The following WDR27 variants were observed in gnomAD, a reference collection of about 807,000 sequenced individuals.
The protein encoded by WDR27 is WD repeat-containing protein 27.
A neutral mutation model predicts 114.4 loss-of-function variants in WDR27; 100 were observed. That is an observed-to-expected ratio of 0.87 (90% CI 0.74 to 1.03). The LOEUF is 1.03. WDR27 is among the 50% of genes least tolerant of loss of function. WDR27 has a pLI of 0.00. For missense variants in WDR27, 1,129 were observed against 1,092.9 expected, an observed-to-expected ratio of 1.03 and a Z score of -0.47; for synonymous variants, 449 against 423.1, an observed-to-expected ratio of 1.06 and a Z score of -0.75.
At chr6:169,458,369 C>T (rs1784529493) in intron 25 of WDR27, among the ~76,000 whole-genome samples, 1 of 152,130 alleles carries the variant, frequency 6.6e-6, no homozygotes, top group South Asian at 2.1e-4. Flanking sequence ...TGTTACTGTT[C>T]CCACATGGCT....
rs189063851 is a variant in WDR27, at chr6:169,487,929, C to T, written c.2646-30295G>A. 4.4e-4 allele frequency among the ~76,000 whole-genome samples: 67 copies of T among 152,336 alleles called. 1 individual carries two copies. In the East Asian group the frequency reaches 0.012, roughly 27 times the overall value. On this transcript the variant is annotated intron_variant, in intron 25 of 25. Transcript: ENST00000448612. Reference sequence around the variant, plus strand: ...AAACTCTGATTGAAAATTATCCTAACAGCTGAGCCCTTTTACTCCCACAGA... The same window carrying T: ...AAACTCTGATTGAAAATTATCCTAATAGCTGAGCCCTTTTACTCCCACAGA...
At chr6:169,635,406 A>G (rs1304608990) in intron 19 of WDR27, among the ~76,000 whole-genome samples, 2 of 152,176 alleles carry the variant, frequency 1.3e-5, no homozygotes, top group Non-Finnish European at 2.9e-5. Flanking sequence ...TAGGACTGAA[A>G]GTCCCAGGCA....
At chr6:169,502,459 CCA>C (rs1398427823) in intron 25 of WDR27, among the ~76,000 whole-genome samples, 2 of 152,296 alleles carry the variant, frequency 1.3e-5, no homozygotes, top group African/African-American at 4.8e-5. Context: ...TAAAACAACA[CCA>C]GTTTATTCTT....
the WDR27 span, among the ~76,000 whole-genome samples, chr6:169,439,804 T>C: frequency 6.6e-6 from 1 of 151,232 alleles, no homozygotes; most frequent in African/African-American, 2.5e-5. Flanking sequence ...CATGAGTTTT[T>C]TATGTTATGA....
intron 22 of WDR27, among the ~76,000 whole-genome samples, chr6:169,612,719 T>A: frequency 6.6e-6 from 1 of 152,052 alleles, no homozygotes; most frequent in Admixed American, 6.6e-5. Flanking sequence ...TAATTTTTTT[T>A]ATAAGTAGAA....
chr6:169,552,203 C>T (rs892743541), intron 25 of WDR27, among the ~76,000 whole-genome samples: 3 of 152,142 alleles, frequency 2.0e-5, no homozygotes, highest in Non-Finnish European at 4.4e-5. Context: ...CAGCCCACCC[C>T]GACCACACAT....
At chr6:169,647,147 C>A (rs960173877) in intron 16 of WDR27, among the ~76,000 whole-genome samples, 1 of 152,214 alleles carries the variant, frequency 6.6e-6, no homozygotes, top group Non-Finnish European at 1.5e-5. Context: ...AGCACTCTCA[C>A]AAGCTGCTCC....
At chr6:169,613,421 T>C (rs976689331) in intron 22 of WDR27, 138 bp downstream of exon 22, 2 of 640,122 alleles carry the variant, frequency 3.1e-6, no homozygotes, top group Non-Finnish European at 5.2e-6. Context: ...AGCTAACTTT[T>C]CTGTGCATAA....
At chr6:169,672,104 G>A in intron 3 of WDR27, 151 bp downstream of exon 3, 1 of 722,332 alleles carries the variant, frequency 1.4e-6, no homozygotes, top group Non-Finnish European at 2.1e-6. Flanking sequence ...GCATGCCTGG[G>A]TTCAAGGTAA....
intron 21 of WDR27, among the ~76,000 whole-genome samples, chr6:169,616,577 C>T (rs1045985463): frequency 6.6e-6 from 1 of 152,002 alleles, no homozygotes; most frequent in Non-Finnish European, 1.5e-5. Context: ...TTAAAAAAAT[C>T]AAGCAACAAG....
chr6:169,666,446 C>T, intron 6 of WDR27: 2 of 985,392 alleles, frequency 2.0e-6, no homozygotes, highest in Non-Finnish European at 2.4e-6. Context: ...CTTTTAATTC[C>T]CTAACTCTCT....
rs543240785 is a variant in WDR27, at chr6:169,625,789, C to T, written c.2223+7158G>A. On this transcript the variant is annotated intron_variant, in intron 21 of 25. Transcript: ENST00000448612. ...GGCTCTGGGGGGGATGAGGATGCCCCGTGCTCCACGTTCATGATGCTGTGA... is the reference window on the plus strand; with the variant it reads ...GGCTCTGGGGGGGATGAGGATGCCCTGTGCTCCACGTTCATGATGCTGTGA... Among the ~76,000 whole-genome samples the T allele has an allele frequency of 7.2e-5, 11 of 152,272 alleles. No individual in the cohort carries two copies. The South Asian group carries it at 1.5e-3, about 20-fold the overall frequency.
intron 25 of WDR27, among the ~76,000 whole-genome samples, chr6:169,541,282 AT>A (rs1336652916): frequency 1.3e-5 from 2 of 152,224 alleles, no homozygotes; most frequent in African/African-American, 4.8e-5. Flanking sequence ...ACAAACCAAT[AT>A]TTAAAACTAT....
At chr6:169,680,400 G>A (rs1781192889) in intron 2 of WDR27, among the ~76,000 whole-genome samples, 1 of 152,174 alleles carries the variant, frequency 6.6e-6, no homozygotes, top group African/African-American at 2.4e-5. Context: ...GGCTAACACG[G>A]TGAAACCCTG....
chr6:169,622,637 T>C (rs558183134), intron 21 of WDR27, among the ~76,000 whole-genome samples: 2 of 152,350 alleles, frequency 1.3e-5, no homozygotes, highest in Admixed American at 1.3e-4. Flanking sequence ...ACATAAAATC[T>C]ATTATTCATT....
the WDR27 span, among the ~76,000 whole-genome samples, chr6:169,449,808 G>A: frequency 8.5e-5 from 13 of 152,150 alleles, no homozygotes; most frequent in Admixed American, 6.5e-4. Flanking sequence ...ACACCAAAGC[G>A]TATGTCCATA....
At chr6:169,630,276 C>T (rs1816012066) in intron 21 of WDR27, among the ~76,000 whole-genome samples, 2 of 152,290 alleles carry the variant, frequency 1.3e-5, no homozygotes, top group South Asian at 4.2e-4. Context: ...TTTTAAGAAA[C>T]CATTTTTTTC....
At chr6:169,551,986 T>C (rs1423978079) in intron 25 of WDR27, among the ~76,000 whole-genome samples, 1 of 152,108 alleles carries the variant, frequency 6.6e-6, no homozygotes, top group African/African-American at 2.4e-5. Flanking sequence ...TTCTCAGTGA[T>C]CTACTCAATA....
At position 169,634,452 on chromosome 6, in the gene WDR27, A is replaced by G; in HGVS notation, c.2077T>C (p.Ser693Pro). The G allele has an allele frequency of 6.2e-7, 1 of 1,613,096 alleles. No individual in the cohort carries two copies. Among genetic ancestry groups the G allele is most frequent in the Non-Finnish European group, 8.5e-7 (1 of 1,179,574 alleles). ...TTGAVDMTSLSAVNDFYSHIV... is the reference protein window; with the variant it reads ...TTGAVDMTSLPAVNDFYSHIV... ...CGGGAATAAAAGTCGTTGACTGCCG[A>G]TAAACTGGTCATGTCTACTGCACCC... Residue 693 changes from serine (S) to proline (P), a missense_variant, in exon 20 of 26, where the codon TCG becomes CCG. Physicochemically the swap from Ser to Pro is moderately conservative, Grantham distance 74 (BLOSUM62 -1). Coordinates refer to ENST00000448612, the MANE Select transcript of WDR27 (RefSeq NM_182552.5).
Sources: gnomAD v4.1 joint callset for allele counts (sites outside exome capture counted in the v4.1 genomes callset) on GRCh38, gnomAD v4.1.1 for gene constraint, MANE v1.5 for transcripts, NCBI Gene and HGNC (gene_info 2026-07-23, HGNC 2026-07-21) for gene names.